Variants in TSPAN8 observed in about 807,000 individuals in gnomAD.
TSPAN8 encodes the protein tetraspanin-8.
TSPAN8 carries 21 observed loss-of-function variants against 32.8 expected under a neutral mutation model. The observed-to-expected ratio is 0.64, with a 90% CI of 0.45 to 0.92. TSPAN8 has a LOEUF of 0.92. TSPAN8 is among the 40% of genes least tolerant of loss of function. TSPAN8 has a pLI of 0.00. For synonymous variants in TSPAN8, 95 were observed against 94.6 expected, an observed-to-expected ratio of 1.00 and a Z score of -0.03; for missense variants, 269 against 281.9, an observed-to-expected ratio of 0.95 and a Z score of 0.33.
intron 7 of TSPAN8, among the ~76,000 whole-genome samples, chr12:71,132,393 T>A (rs1871544704): frequency 6.6e-6 from 1 of 152,200 alleles, no homozygotes; most frequent in Non-Finnish European, 1.5e-5. Context: ...GAATAATGAT[T>A]AAGATGACCA....
intron 2 of TSPAN8, chr12:71,157,223 G>A (rs943394644): frequency 1.2e-5 from 2 of 168,306 alleles, no homozygotes; most frequent in Non-Finnish European, 2.5e-5. Flanking sequence ...ACCCAGAAGT[G>A]AAGGGCGGGA....
intron 3 of TSPAN8, among the ~76,000 whole-genome samples, chr12:71,143,017 A>G (rs1428544434): frequency 6.6e-6 from 1 of 152,168 alleles, no homozygotes; most frequent in African/African-American, 2.4e-5. Context: ...TAGAAAATGC[A>G]TTGTCTTAAT....
At chr12:71,133,864 G>C (rs1871598062) in intron 6 of TSPAN8, among the ~76,000 whole-genome samples, 1 of 152,076 alleles carries the variant, frequency 6.6e-6, no homozygotes, top group Non-Finnish European at 1.5e-5. Context: ...GCTTCCATCT[G>C]CTCAATTAAG....
At chr12:71,157,363 A>ATT in intron 2 of TSPAN8, 4 of 385,150 alleles carry the variant, frequency 1.0e-5, no homozygotes, top group South Asian at 4.7e-5. Context: ...TTCCTCTGTG[A>ATT]TTTTTTTTTG....
intron 3 of TSPAN8, among the ~76,000 whole-genome samples, chr12:71,141,459 G>C (rs906321342): frequency 6.6e-6 from 1 of 152,194 alleles, no homozygotes; most frequent in African/African-American, 2.4e-5. Flanking sequence ...GGCCAGTACA[G>C]GCAAACCCTA....
chr12:71,137,691 T>C (rs1040903556), intron 6 of TSPAN8, among the ~76,000 whole-genome samples: 1 of 152,168 alleles, frequency 6.6e-6, no homozygotes, highest in Non-Finnish European at 1.5e-5. Flanking sequence ...TTAAAACTAT[T>C]ATTGATTTGA....
At chr12:71,149,754 T>C (rs1327509480) in intron 2 of TSPAN8, among the ~76,000 whole-genome samples, 1 of 152,238 alleles carries the variant, frequency 6.6e-6, no homozygotes, top group East Asian at 1.9e-4. Flanking sequence ...CCTGTGATAA[T>C]TGTGTTAACT....
intron 2 of TSPAN8, among the ~76,000 whole-genome samples, chr12:71,156,500 A>T (rs1011441279): frequency 1.3e-5 from 2 of 151,808 alleles, no homozygotes; most frequent in Non-Finnish European, 2.9e-5. Context: ...TCTTTATTTT[A>T]CTTTTTTAAA....
At position 71,157,721 on chromosome 12, in the gene TSPAN8, T is replaced by C; in HGVS notation, c.-43A>G. 1 of 1,506,750 alleles carries C rather than the reference T, an allele frequency of 6.6e-7. No homozygotes were observed. The highest frequency in any genetic ancestry group is 1.7e-5 in the Admixed American group (1 of 59,824). The allele number at this position is 1,506,750 out of a possible 1,614,324, so 93.3% of individuals were successfully genotyped here. On this transcript the variant is annotated 5_prime_UTR_variant, in exon 2 of 9. Transcript: ENST00000247829. ...AATCCAGATGCCGTGAATTTAACTA[T>C]TCGTTACAGGCTTGTCCTGCAATAT...
chr12:71,157,311 T>C (rs1397697553), intron 2 of TSPAN8: 2 of 298,572 alleles, frequency 6.7e-6, no homozygotes, highest in Non-Finnish European at 1.3e-5. Flanking sequence ...CTGCTTGATA[T>C]ACAACTAAGG....
chr12:71,138,255 C>T (rs760907265), intron 4 of TSPAN8, 25 bp from the exon 5 acceptor site: 104 of 1,607,512 alleles, frequency 6.5e-5, no homozygotes, highest in Non-Finnish European at 8.8e-5. Flanking sequence ...AAGAAATATA[C>T]ATTATCCTCA....
intron 2 of TSPAN8, among the ~76,000 whole-genome samples, chr12:71,147,160 AGAT>A (rs1343718547): frequency 6.6e-6 from 1 of 152,098 alleles, no homozygotes; most frequent in Non-Finnish European, 1.5e-5. Flanking sequence ...GAGCCCAAGC[AGAT>A]GACTAAGAAC....
chr12:71,137,876 A>T, intron 6 of TSPAN8, 77 bp downstream of exon 6: 1 of 1,322,266 alleles, frequency 7.6e-7, no homozygotes, highest in Non-Finnish European at 1.0e-6. Flanking sequence ...TTCAATCTTT[A>T]AGGAAGATGT....
chr12:71,130,517 T>C (rs1032162681), intron 7 of TSPAN8, among the ~76,000 whole-genome samples: 1 of 152,200 alleles, frequency 6.6e-6, no homozygotes, highest in African/African-American at 2.4e-5. Context: ...CACAGTATAA[T>C]TGTGTTATTT....
intron 8 of TSPAN8, among the ~76,000 whole-genome samples, chr12:71,128,654 T>A (rs921839919): frequency 6.6e-6 from 1 of 150,474 alleles, no homozygotes; most frequent in African/African-American, 2.4e-5. Flanking sequence ...TTTTTTTTTT[T>A]TAAAAAAAAA....
rs374530617 is a variant in TSPAN8, at chr12:71,143,640, G to C, written c.123+511C>G. Among the ~76,000 whole-genome samples, 9 of 152,122 alleles carry C rather than the reference G, an allele frequency of 5.9e-5. No individual in the cohort carries two copies. In the East Asian group the frequency reaches 9.6e-4, roughly 16 times the overall value. On this transcript the variant is annotated intron_variant, in intron 3 of 8. Transcript: ENST00000247829. ...TTACCTTCACTGCCAGTTGCCACAG[G>C]TAAATAACAAGTACCCTTGTACCTT...
intron 2 of TSPAN8, among the ~76,000 whole-genome samples, chr12:71,156,250 C>CAAAAAAAAAA (rs763217771): frequency 1.7e-3 from 41 of 24,340 alleles, no homozygotes; most frequent in African/African-American, 3.5e-3. Flanking sequence ...CAAAGTTCTC[C>CAAAAAAAAAA]AAAAAAAAAA....
intron 2 of TSPAN8, among the ~76,000 whole-genome samples, chr12:71,155,523 T>G (rs1173160692): frequency 6.6e-6 from 1 of 152,086 alleles, no homozygotes; most frequent in Non-Finnish European, 1.5e-5. Flanking sequence ...AATCAACAGA[T>G]TAAAATAGAC....
intron 7 of TSPAN8, 120 bp downstream of exon 7, chr12:71,132,573 T>C (rs1871549935): frequency 8.1e-7 from 1 of 1,232,648 alleles, no homozygotes; most frequent in South Asian, 1.6e-5. Context: ...GGGAAATTTC[T>C]GAGATTTTTA....
Sources: gnomAD v4.1 joint callset for allele counts (sites outside exome capture counted in the v4.1 genomes callset) on GRCh38, gnomAD v4.1.1 for gene constraint, MANE v1.5 for transcripts, NCBI Gene and HGNC (gene_info 2026-07-23, HGNC 2026-07-21) for gene names.